Variants in RNFT2 observed in about 807,000 individuals in gnomAD.
RNFT2 encodes the protein ring finger protein, transmembrane 2.
RNFT2 carries 36 observed loss-of-function variants against 53.0 expected under a neutral mutation model. That is an observed-to-expected ratio of 0.68 (90% CI 0.52 to 0.90). The LOEUF (loss-of-function observed/expected upper bound fraction) is 0.90. RNFT2 is among the 40% of genes least tolerant of loss of function. RNFT2 has a pLI of 0.00. For missense variants in RNFT2, 514 were observed against 585.6 expected (o/e 0.88, Z 1.26); for synonymous variants, 260 against 253.2 (o/e 1.03, Z -0.26).
Position 116,851,563 on chromosome 12 carries a change from AC to A in RNFT2, c.*2120del, listed in dbSNP as rs1321021094. On this transcript the variant is annotated 3_prime_UTR_variant, in exon 11 of 11. Transcript: ENST00000257575. ...AGACTAGCCTGGCCAACATGGCAAA[AC>A]CCCCTCTTTACTAAAAAATACAAAA... 1.7e-6 allele frequency: 1 copy of A among 579,516 alleles called. No individual in the cohort carries two copies. The highest frequency in any genetic ancestry group is 3.1e-6 in the Non-Finnish European group (1 of 326,512). The allele number at this position is 579,516 out of a possible 1,614,324, so 35.9% of individuals were successfully genotyped here.
Position 116,852,056 on chromosome 12 carries a change from C to T in RNFT2, c.*2608C>T. 2.6e-6 allele frequency: 3 copies of T among 1,151,618 alleles called. No individual in the cohort carries two copies. In the African/African-American group the frequency reaches 4.7e-5, roughly 18 times the overall value. The allele number at this position is 1,151,618 out of a possible 1,614,324, so 71.3% of individuals were successfully genotyped here. On this transcript the variant is annotated 3_prime_UTR_variant, in exon 11 of 11. Transcript: ENST00000257575. ...TGTGATCTCTATGACAGAGCCACTT[C>T]TCCACCTCTGAAATGTTCCCTGCTC... is the stretch of plus-strand genomic sequence containing the variant.
At chr12:116,831,210 AGAG>A (rs1306776122) in intron 7 of RNFT2, among the ~76,000 whole-genome samples, 16 of 93,468 alleles carry the variant, frequency 1.7e-4, no homozygotes, top group Non-Finnish European at 3.4e-4. Flanking sequence ...AAAAAAAAAA[AGAG>A]AGAGAGAGAG....
intron 7 of RNFT2, among the ~76,000 whole-genome samples, chr12:116,803,667 T>C (rs1874910876): frequency 1.3e-5 from 2 of 152,168 alleles, no homozygotes; most frequent in Non-Finnish European, 2.9e-5. Flanking sequence ...CAGGCAGTCA[T>C]TTAGGGATCG....
At chr12:116,838,942 G>T (rs766204947) in intron 10 of RNFT2, among the ~76,000 whole-genome samples, 1 of 152,220 alleles carries the variant, frequency 6.6e-6, no homozygotes, top group Admixed American at 6.5e-5. Context: ...CTGTTGCTGT[G>T]AGCTAGGCCT....
intron 6 of RNFT2, among the ~76,000 whole-genome samples, chr12:116,775,628 C>A (rs1391710723): frequency 1.3e-5 from 2 of 152,246 alleles, no homozygotes; most frequent in Admixed American, 1.3e-4. Flanking sequence ...AGTCCACATT[C>A]TTCCCTTATC....
At chr12:116,744,926 G>T (rs1187933893) in intron 3 of RNFT2, among the ~76,000 whole-genome samples, 1 of 152,136 alleles carries the variant, frequency 6.6e-6, no homozygotes, top group East Asian at 1.9e-4. Context: ...GCCTCCTCAT[G>T]GACCAACATG....
At chr12:116,799,423 G>A (rs150064372) in intron 7 of RNFT2, among the ~76,000 whole-genome samples, 1 of 152,312 alleles carries the variant, frequency 6.6e-6, no homozygotes, top group African/African-American at 2.4e-5. Context: ...TTATCGTGTA[G>A]CCTGTAATAT....
At chr12:116,760,489 G>C (rs1278666449) in intron 5 of RNFT2, among the ~76,000 whole-genome samples, 1 of 152,218 alleles carries the variant, frequency 6.6e-6, no homozygotes, top group African/African-American at 2.4e-5. Flanking sequence ...GCTGCTGGGG[G>C]ACCCAGTGAG....
intron 7 of RNFT2, among the ~76,000 whole-genome samples, chr12:116,821,246 G>T (rs1592978902): frequency 6.7e-6 from 1 of 148,808 alleles, no homozygotes; most frequent in African/African-American, 2.5e-5. Context: ...TCCTTCCTGT[G>T]CTCTTCTCTA....
intron 10 of RNFT2, among the ~76,000 whole-genome samples, chr12:116,843,982 C>T (rs779662794): frequency 2.0e-5 from 3 of 152,194 alleles, no homozygotes; most frequent in Non-Finnish European, 4.4e-5. Flanking sequence ...GAGGGCAGGG[C>T]AGATGTTGAC....
intron 7 of RNFT2, among the ~76,000 whole-genome samples, chr12:116,802,838 T>A (rs984643457): frequency 3.9e-5 from 6 of 152,070 alleles, no homozygotes; most frequent in African/African-American, 1.2e-4. Context: ...CTCATGCCTG[T>A]AATCCTAGCA....
In RNFT2 at chr12:116,790,376, G is replaced by A. The variant is rs183661613; in HGVS notation, c.882+11028G>A. Among the ~76,000 whole-genome samples the A allele has an allele frequency of 8.6e-3, 1,300 of 151,896 alleles. 21 individuals carry two copies. Among genetic ancestry groups the A allele is most frequent in the African/African-American group, 0.03 (1,239 of 41,214 alleles). ...TAAATAGAAACCCCTGTATTCGTGA[G>A]TTTATATCCTCTTAAAGACATTGTC... On this transcript the variant is annotated intron_variant, in intron 7 of 10. Transcript: ENST00000257575.
At chr12:116,783,588 C>A (rs1873804046) in intron 7 of RNFT2, among the ~76,000 whole-genome samples, 1 of 152,266 alleles carries the variant, frequency 6.6e-6, no homozygotes, top group South Asian at 2.1e-4. Context: ...CTCACTTGAG[C>A]AATAACACCC....
intron 7 of RNFT2, among the ~76,000 whole-genome samples, chr12:116,797,471 C>T (rs1184333620): frequency 1.3e-5 from 2 of 151,834 alleles, no homozygotes; most frequent in East Asian, 1.9e-4. Flanking sequence ...AGGCAGGAGA[C>T]TCACTTGAAC....
chr12:116,777,280 A>G (rs1414356285), intron 6 of RNFT2, among the ~76,000 whole-genome samples: 1 of 152,152 alleles, frequency 6.6e-6, no homozygotes, highest in East Asian at 1.9e-4. Flanking sequence ...ATGAGTTAAG[A>G]CATATAAAAT....
chr12:116,845,235 C>G (rs1345751307), intron 10 of RNFT2, among the ~76,000 whole-genome samples: 5 of 71,166 alleles, frequency 7.0e-5, no homozygotes, highest in Non-Finnish European at 1.3e-4. Context: ...CAGAGCAAGA[C>G]CCGGTTTCAA....
At chr12:116,776,948 C>T (rs1290986755) in intron 6 of RNFT2, among the ~76,000 whole-genome samples, 1 of 140,878 alleles carries the variant, frequency 7.1e-6, no homozygotes, top group East Asian at 2.1e-4. Context: ...GAAGGAGTCT[C>T]ACTCTGTCAC....
chr12:116,756,982 A>C (rs889606122), intron 5 of RNFT2, among the ~76,000 whole-genome samples: 4 of 151,844 alleles, frequency 2.6e-5, no homozygotes, highest in Non-Finnish European at 2.9e-5. Context: ...GTAATTTTTA[A>C]ATTACCATTT....
At position 116,852,466 on chromosome 12, in the gene RNFT2, C is replaced by T; in HGVS notation, c.*3018C>T. The stretch of plus-strand genomic sequence containing the variant: ...GTGTAGCATCTTTCAAGCTCCGTTA[C>T]TATGGCGATGGCCATGATGTTACAA... On this transcript the variant is annotated 3_prime_UTR_variant, in exon 11 of 11. Coordinates refer to ENST00000257575, the MANE Select transcript of RNFT2 (RefSeq NM_001382266.1). 6.9e-7 allele frequency: 1 copy of T among 1,447,928 alleles called. No homozygotes were observed. The allele number at this position is 1,447,928 out of a possible 1,614,324, so 89.7% of individuals were successfully genotyped here. A position where few individuals can be genotyped will look rare whatever the true frequency, so the allele number is the denominator to read the frequency against.
Sources: allele counts gnomAD v4.1 joint callset (sites outside exome capture counted in the v4.1 genomes callset), GRCh38; gene constraint gnomAD v4.1.1; transcripts MANE v1.5; gene names NCBI Gene and HGNC (gene_info 2026-07-23, HGNC 2026-07-21).